Variants in SLC2A13 observed in about 807,000 individuals in gnomAD.
SLC2A13 encodes solute carrier family 2 member 13.
SLC2A13 carries 32 observed loss-of-function variants against 64.4 expected under a neutral mutation model. The ratio of observed to expected loss-of-function variants is 0.50; its 90% confidence interval spans 0.37 to 0.67. The LOEUF (loss-of-function observed/expected upper bound fraction) is 0.67. Among genes scored for constraint, SLC2A13 ranks in the 30% least tolerant of loss-of-function variants. The pLI is 0.00. For synonymous variants in SLC2A13, 338 were observed against 327.1 expected (o/e 1.03, Z -0.36); for missense variants, 743 against 829.2 (o/e 0.90, Z 1.28).
intron 3 of SLC2A13, among the ~76,000 whole-genome samples, chr12:39,957,331 C>T (rs902200426): frequency 1.3e-5 from 2 of 152,074 alleles, no homozygotes; most frequent in African/African-American, 4.8e-5. Context: ...ATTTTGTATG[C>T]CCACTTAAAT....
rs186529884 is a variant in SLC2A13 at position 39,822,666 on chromosome 12, T to C, written c.1445+7437A>G. 3.4e-3 allele frequency among the ~76,000 whole-genome samples: 514 copies of C among 152,308 alleles called. 1 individual carries two copies. The highest frequency in any genetic ancestry group is 0.011 in the African/African-American group (465 of 41,566). ...ATTCAAGCTTTGGCTTTTATCCTTA[T>C]AATAAAAATCTTAGTCTTCTTTAAT... On this transcript the variant is annotated intron_variant, in intron 7 of 9. Transcript: ENST00000280871.
At chr12:39,958,735 A>G (rs1946360233) in intron 3 of SLC2A13, among the ~76,000 whole-genome samples, 1 of 152,088 alleles carries the variant, frequency 6.6e-6, no homozygotes, top group South Asian at 2.1e-4. Flanking sequence ...ATTTTTGGGT[A>G]ATCTGTTTTA....
At position 39,951,318 on chromosome 12, in the gene SLC2A13, C is replaced by T; in HGVS notation, c.973G>A (p.Ala325Thr). ...RMLSYPPTRR[A>T]LIVGCGLQMF... Reference sequence around the variant, plus strand: ...TGTAGGCCACAACCCACAATTAAAGCTCGGCGAGTTGGGGGATAACTCAGC... The same window carrying T: ...TGTAGGCCACAACCCACAATTAAAGTTCGGCGAGTTGGGGGATAACTCAGC... Residue 325 changes from alanine (A) to threonine (T), a missense_variant, in exon 4 of 10, where the codon GCT becomes ACT. Physicochemically the swap from Ala to Thr is moderately conservative, Grantham distance 58 (BLOSUM62 0). Around this residue, in one of 2 missense-constraint regions of SLC2A13, gnomAD observed 448 missense variants for 447.4 expected, o/e 1.00. Transcript: ENST00000280871. 2 of 1,611,618 alleles carry T rather than the reference C, an allele frequency of 1.2e-6. No homozygotes were observed.
At chr12:39,927,102 G>A (rs924974531) in intron 4 of SLC2A13, among the ~76,000 whole-genome samples, 5 of 152,110 alleles carry the variant, frequency 3.3e-5, no homozygotes, top group African/African-American at 1.2e-4. Flanking sequence ...AATACACTTT[G>A]CACTAAGTAT....
At chr12:39,957,341 T>G (rs1334324533) in intron 3 of SLC2A13, among the ~76,000 whole-genome samples, 1 of 152,198 alleles carries the variant, frequency 6.6e-6, no homozygotes, top group African/African-American at 2.4e-5. Flanking sequence ...CCCACTTAAA[T>G]AAGCTTATTT....
At position 39,823,379 on chromosome 12, in the gene SLC2A13, T is replaced by C. The variant is rs1942578974; in HGVS notation, c.1445+6724A>G. 2.6e-5 allele frequency among the ~76,000 whole-genome samples: 4 copies of C among 152,122 alleles called. No homozygotes were observed. The South Asian group carries it at 8.3e-4, about 32-fold the overall frequency. Reference sequence around the variant, plus strand: ...ACATGAGTACCTTAAGATACTGATGTGGTTTGTCAATGATAAAATAAATTT... The same window carrying C: ...ACATGAGTACCTTAAGATACTGATGCGGTTTGTCAATGATAAAATAAATTT... On this transcript the variant is annotated intron_variant, in intron 7 of 9. Coordinates refer to ENST00000280871, the MANE Select transcript of SLC2A13 (RefSeq NM_052885.4).
intron 7 of SLC2A13, among the ~76,000 whole-genome samples, chr12:39,784,787 C>T (rs1399899001): frequency 6.6e-6 from 1 of 152,174 alleles, no homozygotes; most frequent in Admixed American, 6.5e-5. Flanking sequence ...AGTGAACAGG[C>T]AACCTATAGA....
chr12:39,765,616 G>A lies in SLC2A13; in HGVS notation c.1446-758C>T, dbSNP rs538731407. Among the ~76,000 whole-genome samples, 24 of 152,102 alleles carry A rather than the reference G, an allele frequency of 1.6e-4. No homozygotes were observed. The South Asian group carries it at 5.0e-3, about 32-fold the overall frequency. ...CAAGCCCTATTGTTACCATATTTAT[G>A]AACTCATCATAACATTCCACCTGTC... is the stretch of plus-strand genomic sequence containing the variant. On this transcript the variant is annotated intron_variant, in intron 7 of 9. Coordinates refer to ENST00000280871, the MANE Select transcript of SLC2A13 (RefSeq NM_052885.4).
At chr12:39,954,389 C>G (rs753454716) in intron 3 of SLC2A13, among the ~76,000 whole-genome samples, 56 of 152,000 alleles carry the variant, frequency 3.7e-4, no homozygotes, top group Non-Finnish European at 7.1e-4. Context: ...TTCAGAATTT[C>G]CCTTGAGTAT....
chr12:39,952,196 T>A (rs10747957), intron 3 of SLC2A13, among the ~76,000 whole-genome samples: 148,420 of 152,234 alleles, frequency 0.97, 72,471 homozygotes, highest in Middle Eastern at 1. Flanking sequence ...AATTACTAAA[T>A]GTGGCCCTTC....
intron 7 of SLC2A13, among the ~76,000 whole-genome samples, chr12:39,789,003 T>A (rs1388942269): frequency 6.6e-6 from 1 of 152,170 alleles, no homozygotes; most frequent in Admixed American, 6.6e-5. Flanking sequence ...TTGTAGTTTG[T>A]TTTAACTTAT....
intron 7 of SLC2A13, among the ~76,000 whole-genome samples, chr12:39,803,198 C>G (rs1476178876): frequency 1.6e-5 from 1 of 62,078 alleles, no homozygotes; most frequent in Non-Finnish European, 3.2e-5. Flanking sequence ...CTAAAAGAAG[C>G]AAATGCAAAA....
rs1234102418 is a variant in SLC2A13 at position 39,914,324 on chromosome 12, C to T, written c.1034+36933G>A. Reference sequence around the variant, plus strand: ...TCTGCTTACAACAGTGGTGGAATAACAGGTATGAAATTTACCCTCTTACCT... The same window carrying T: ...TCTGCTTACAACAGTGGTGGAATAATAGGTATGAAATTTACCCTCTTACCT... On this transcript the variant is annotated intron_variant, in intron 4 of 9. Coordinates refer to ENST00000280871, the MANE Select transcript of SLC2A13 (RefSeq NM_052885.4). Among the ~76,000 whole-genome samples, 11 of 151,984 alleles carry T rather than the reference C, an allele frequency of 7.2e-5. 1 individual carries two copies. The highest frequency in any genetic ancestry group is 3.2e-3 in the Middle Eastern group (1 of 316).
rs142401822 is a variant in SLC2A13 at position 39,812,277 on chromosome 12, T to C, written c.1445+17826A>G. 2.8e-3 allele frequency among the ~76,000 whole-genome samples: 432 copies of C among 152,252 alleles called. 2 individuals carry two copies. Among genetic ancestry groups the C allele is most frequent in the African/African-American group, 9.8e-3 (406 of 41,534 alleles). ...CCCATTTATGATGACTCCACCCTCA[T>C]GACCTAATCACCTCCCAAAGGCCCC... On this transcript the variant is annotated intron_variant, in intron 7 of 9. Transcript: ENST00000280871.
intron 1 of SLC2A13, among the ~76,000 whole-genome samples, chr12:40,063,480 G>GA (rs11295359): frequency 9.7e-4 from 137 of 141,284 alleles, no homozygotes; most frequent in Non-Finnish European, 1.1e-3. Flanking sequence ...AAAAACTGAA[G>GA]AAAAAAAAAA....
chr12:39,815,474 C>T (rs1480185186), intron 7 of SLC2A13, among the ~76,000 whole-genome samples: 1 of 152,180 alleles, frequency 6.6e-6, no homozygotes, highest in Non-Finnish European at 1.5e-5. Flanking sequence ...TCTTTCTTTT[C>T]ACCTATTACT....
intron 3 of SLC2A13, among the ~76,000 whole-genome samples, chr12:39,988,679 AAGGGAGGG>A (rs1393032266): frequency 1.2e-5 from 1 of 80,506 alleles, no homozygotes; most frequent in Non-Finnish European, 2.4e-5. Context: ...GGGAGGGAAG[AAGGGAGGG>A]AGGGAGGAAG....
At chr12:39,929,326 G>A (rs891329786) in intron 4 of SLC2A13, among the ~76,000 whole-genome samples, 1 of 151,978 alleles carries the variant, frequency 6.6e-6, no homozygotes, top group Non-Finnish European at 1.5e-5. Context: ...GCTGAGGTGG[G>A]TGGATCACGA....
intron 4 of SLC2A13, among the ~76,000 whole-genome samples, chr12:39,898,866 T>C (rs1201864926): frequency 6.6e-6 from 1 of 152,176 alleles, no homozygotes; most frequent in African/African-American, 2.4e-5. Flanking sequence ...TAGCATGTTC[T>C]TCACCCTTGT....
Sources: allele counts gnomAD v4.1 joint callset (sites outside exome capture counted in the v4.1 genomes callset), GRCh38; gene constraint gnomAD v4.1.1; regional missense constraint gnomAD v4.1.1; transcripts MANE v1.5; gene names NCBI Gene and HGNC (gene_info 2026-07-23, HGNC 2026-07-21).